Variants in PLD1 observed in about 807,000 individuals in gnomAD.
PLD1 encodes the protein choline phosphatase 1.
PLD1 carries 112 observed loss-of-function variants against 137.1 expected under a neutral mutation model. The ratio of observed to expected loss-of-function variants is 0.82; its 90% CI spans 0.70 to 0.96. The LOEUF (loss-of-function observed/expected upper bound fraction) is 0.96, where lower values mean the gene tolerates loss of function less well. Among genes scored for constraint, PLD1 ranks in the 40% least tolerant of loss-of-function variants. PLD1 has a pLI of 0.00. For missense variants in PLD1, 1,321 were observed against 1,342.0 expected (o/e 0.98, Z 0.24); for synonymous variants, 431 against 454.7 (o/e 0.95, Z 0.66).
chr3:171,667,692 T>TATCCATAGCTAATTAACCTCAGGC (rs1327501889), intron 19 of PLD1, among the ~76,000 whole-genome samples: 2 of 152,186 alleles, frequency 1.3e-5, no homozygotes, highest in African/African-American at 4.8e-5. Context: ...CTGGAAACAG[T>TATCCATAGCTAATTAACCTCAGGC]ATCCATAGCT....
intron 23 of PLD1, among the ~76,000 whole-genome samples, chr3:171,620,742 C>CTATATATA (rs869115087): frequency 7.6e-4 from 72 of 94,768 alleles, no homozygotes; most frequent in African/African-American, 1.8e-3. Context: ...CTCTCTCTCT[C>CTATATATA]TATATATATA....
chr3:171,697,237 CTTTTTT>C (rs34340739), intron 12 of PLD1, among the ~76,000 whole-genome samples: 2 of 97,314 alleles, frequency 2.1e-5, no homozygotes, highest in East Asian at 5.8e-4. Flanking sequence ...TTCCGGACAC[CTTTTTT>C]TTTTTTTTTT....
intron 23 of PLD1, among the ~76,000 whole-genome samples, chr3:171,639,567 A>C (rs1264149654): frequency 4.5e-5 from 3 of 67,010 alleles, no homozygotes; most frequent in South Asian, 8.0e-4. Context: ...AATATATATT[A>C]TATATAATAT....
chr3:171,683,570 C>T (rs763683541), intron 16 of PLD1, among the ~76,000 whole-genome samples: 6 of 152,150 alleles, frequency 3.9e-5, no homozygotes, highest in Admixed American at 6.6e-5. Flanking sequence ...CTCTTTCTTT[C>T]GATGTCAGCT....
chr3:171,709,423 A>G (rs542140048), intron 10 of PLD1, 137 bp downstream of exon 10: 11 of 619,006 alleles, frequency 1.8e-5, no homozygotes, highest in Non-Finnish European at 2.9e-5. Flanking sequence ...TCCCATAATT[A>G]TCACAAAAAG....
rs34683994 is a variant in PLD1, at chr3:171,770,888, C to CAAAAAAAAAAAAAAAAAA, written c.-31-32824_-31-32807dup. On this transcript the variant is annotated intron_variant, in intron 1 of 26. Coordinates refer to ENST00000351298, the MANE Select transcript of PLD1 (RefSeq NM_002662.5). ...TTGGTGACAGAGCAAAACCCTATCT[C>CAAAAAAAAAAAAAAAAAA]AAAAAAAAAAAAAAAAAAAAAAAGG... Among the ~76,000 whole-genome samples, 154 of 40,868 alleles carry CAAAAAAAAAAAAAAAAAA rather than the reference C, an allele frequency of 3.8e-3. 6 individuals are homozygous for CAAAAAAAAAAAAAAAAAA. The highest frequency in any genetic ancestry group is 0.012 in the African/African-American group (148 of 12,592). The allele number at this position is 40,868 out of a possible 152,430, so 26.8% of individuals were successfully genotyped here. A position where few individuals can be genotyped will look rare whatever the true frequency, so the allele number is the denominator to read the frequency against.
chr3:171,615,936 T>C (rs1283811159), intron 24 of PLD1, among the ~76,000 whole-genome samples: 1 of 152,224 alleles, frequency 6.6e-6, no homozygotes, highest in Non-Finnish European at 1.5e-5. Context: ...ACCAGAATGT[T>C]TTCCAACTTA....
At chr3:171,634,949 T>C (rs1734980684) in intron 23 of PLD1, among the ~76,000 whole-genome samples, 1 of 152,126 alleles carries the variant, frequency 6.6e-6, no homozygotes, top group Admixed American at 6.6e-5. Context: ...CACTCTCCTC[T>C]ACACCCTATT....
At chr3:171,709,734 A>C in intron 9 of PLD1, 25 bp from the exon 10 acceptor site, 2 of 1,603,088 alleles carry the variant, frequency 1.2e-6, no homozygotes, top group Non-Finnish European at 1.7e-6. Flanking sequence ...CCAAATATTG[A>C]AAAGACTGGT....
At chr3:171,800,647 C>T (rs937445329) in intron 1 of PLD1, among the ~76,000 whole-genome samples, 1 of 152,234 alleles carries the variant, frequency 6.6e-6, no homozygotes, top group African/African-American at 2.4e-5. Context: ...ATGCCAGCCA[C>T]CTGTCTTAGT....
chr3:171,783,684 C>T (rs962086728), intron 1 of PLD1, among the ~76,000 whole-genome samples: 16 of 152,048 alleles, frequency 1.1e-4, no homozygotes, highest in African/African-American at 3.9e-4. Flanking sequence ...GCTCTGTCAC[C>T]AAGGCTGGAG....
Position 171,733,503 on chromosome 3 carries a change from G to T in PLD1, c.547C>A (p.Leu183Met). The change falls in exon 6 of 27, where the codon CTG (leucine) becomes ATG (methionine). Residue 183 changes from leucine (L) to methionine (M), a missense_variant. Coordinates refer to ENST00000351298, the MANE Select transcript of PLD1 (RefSeq NM_002662.5). ...EEQFLGRRKQ[L>M]EDYLTKILKM... ...AGTATCTTTGTCAAGTAATCTTCCAGTTGTTTCTGTAATGCAAATATTTTA... is the reference window on the plus strand; with the variant it reads ...AGTATCTTTGTCAAGTAATCTTCCATTTGTTTCTGTAATGCAAATATTTTA... 7.9e-7 allele frequency: 1 copy of T among 1,260,954 alleles called. No individual in the cohort carries two copies. The highest frequency in any genetic ancestry group is 1.2e-5 in the South Asian group (1 of 80,794). 78.1% of individuals were successfully genotyped at this position (1,260,954 alleles called of 1,614,324 possible).
intron 1 of PLD1, among the ~76,000 whole-genome samples, chr3:171,802,223 T>C (rs1723677994): frequency 6.6e-6 from 1 of 152,112 alleles, no homozygotes; most frequent in Non-Finnish European, 1.5e-5. Flanking sequence ...AAGTCCCTAC[T>C]CTCATAAAGC....
At chr3:171,781,932 C>A (rs1189372976) in intron 1 of PLD1, among the ~76,000 whole-genome samples, 1 of 152,184 alleles carries the variant, frequency 6.6e-6, no homozygotes, top group Non-Finnish European at 1.5e-5. Context: ...AGACTCCATT[C>A]ACCATAGTCA....
intron 23 of PLD1, among the ~76,000 whole-genome samples, chr3:171,626,539 G>C (rs1352941401): frequency 3.9e-5 from 6 of 152,042 alleles, no homozygotes; most frequent in Non-Finnish European, 8.8e-5. Flanking sequence ...CAACTCCAAG[G>C]CACATAATTG....
At chr3:171,694,357 C>T (rs886700578) in intron 12 of PLD1, among the ~76,000 whole-genome samples, 10 of 152,028 alleles carry the variant, frequency 6.6e-5, no homozygotes, top group African/African-American at 1.4e-4. Flanking sequence ...AATATAAATA[C>T]ATATTTCAGT....
rs71178231 is a variant in PLD1, at chr3:171,635,965, C to CTTTTTT, written c.2593+6869_2593+6874dup. ...ATGGTATGAGGTAGGGGTTCAACTT[C>CTTTTTT]TTTTTTTTTTTTTTTTTTTTTTTTT... On this transcript the variant is annotated intron_variant, in intron 23 of 26. Coordinates refer to ENST00000351298, the MANE Select transcript of PLD1 (RefSeq NM_002662.5). Among the ~76,000 whole-genome samples, 176 of 49,258 alleles carry CTTTTTT rather than the reference C, an allele frequency of 3.6e-3. 8 individuals carry two copies. Among genetic ancestry groups the CTTTTTT allele is most frequent in the South Asian group, 4.9e-3 (4 of 816 alleles). The allele number at this position is 49,258 out of a possible 152,430, so 32.3% of individuals were successfully genotyped here. A position where few individuals can be genotyped will look rare whatever the true frequency, so the allele number is the denominator to read the frequency against.
intron 11 of PLD1, among the ~76,000 whole-genome samples, chr3:171,704,176 G>C (rs1716475050): frequency 6.6e-6 from 1 of 152,118 alleles, no homozygotes; most frequent in Non-Finnish European, 1.5e-5. Flanking sequence ...GAACTGAACT[G>C]AGGAATAGAC....
intron 21 of PLD1, among the ~76,000 whole-genome samples, chr3:171,649,810 T>C (rs1392694642): frequency 6.6e-6 from 1 of 151,152 alleles, no homozygotes; most frequent in Non-Finnish European, 1.5e-5. Flanking sequence ...GTATAATAGC[T>C]AAAAATTGGA....
Sources: allele counts gnomAD v4.1 joint callset (sites outside exome capture counted in the v4.1 genomes callset), GRCh38; gene constraint gnomAD v4.1.1; transcripts MANE v1.5; gene names NCBI Gene and HGNC (gene_info 2026-07-23, HGNC 2026-07-21).